ADAMTSL3: variants seen among roughly 807,000 people sequenced by gnomAD.
ADAMTSL3 encodes the protein ADAMTS-like protein 3.
In ADAMTSL3, 128 loss-of-function variants were observed where a neutral mutation model predicts 201.7. The ratio of observed to expected loss-of-function variants is 0.63; its 90% confidence interval spans 0.55 to 0.73. The LOEUF is 0.73. ADAMTSL3 is among the 30% of genes least tolerant of loss of function. The pLI is 0.00. For missense variants in ADAMTSL3, 1,990 were observed against 2,119.6 expected (o/e 0.94, Z 1.20); for synonymous variants, 738 against 748.4 (o/e 0.99, Z 0.23).
intron 2 of ADAMTSL3, among the ~76,000 whole-genome samples, chr15:83,690,788 A>G (rs562953553): frequency 1.3e-5 from 2 of 152,314 alleles, no homozygotes; most frequent in Admixed American, 6.5e-5. Context: ...TAAGGCTTAC[A>G]TTAAAACCTT....
chr15:83,743,228 C>G (rs1230373133), intron 3 of ADAMTSL3, among the ~76,000 whole-genome samples: 1 of 152,168 alleles, frequency 6.6e-6, no homozygotes, highest in Non-Finnish European at 1.5e-5. Context: ...TTTACTTTTT[C>G]TGATTTGAAT....
chr15:83,859,608 C>G (rs1470866552), intron 8 of ADAMTSL3, among the ~76,000 whole-genome samples: 1 of 152,234 alleles, frequency 6.6e-6, no homozygotes, highest in Non-Finnish European at 1.5e-5. Context: ...TTGCTCATTA[C>G]TTCTCAAGGC....
chr15:84,031,196 T>A, intron 27 of ADAMTSL3, 139 bp from the exon 28 acceptor site: 1 of 798,326 alleles, frequency 1.3e-6, no homozygotes, highest in South Asian at 1.6e-5. Context: ...CCTAATCCTC[T>A]TTAACTCCCC....
chr15:83,685,834 A>T (rs79366123), intron 2 of ADAMTSL3, among the ~76,000 whole-genome samples: 1 of 152,328 alleles, frequency 6.6e-6, no homozygotes, highest in Non-Finnish European at 1.5e-5. Flanking sequence ...GGCATGTCAT[A>T]GTCATTTAAT....
intron 5 of ADAMTSL3, among the ~76,000 whole-genome samples, chr15:83,814,661 TGAAA>T (rs1373844647): frequency 3.3e-5 from 5 of 152,230 alleles, no homozygotes; most frequent in Admixed American, 2.0e-4. Context: ...ATTTGTTATA[TGAAA>T]GAATCACAAA....
chr15:83,687,059 T>C (rs2061546792), intron 2 of ADAMTSL3, among the ~76,000 whole-genome samples: 1 of 143,234 alleles, frequency 7.0e-6, no homozygotes, highest in African/African-American at 2.8e-5. Flanking sequence ...AACAAACAGT[T>C]AGCTGGCATA....
intron 19 of ADAMTSL3, among the ~76,000 whole-genome samples, chr15:83,957,718 A>T (rs2066888013): frequency 1.3e-5 from 2 of 152,196 alleles, no homozygotes; most frequent in Admixed American, 6.5e-5. Context: ...GGAGAGAAAA[A>T]TGGCTTATTT....
chr15:83,870,651 A>G (rs575011130), intron 8 of ADAMTSL3, 151 bp from the exon 9 acceptor site: 7 of 628,518 alleles, frequency 1.1e-5, no homozygotes, highest in South Asian at 1.1e-4. Context: ...TGATATATCT[A>G]TTCCACCAAT....
rs2068542842 is a variant in ADAMTSL3, at chr15:84,038,054, C to T, written c.*248C>T. On this transcript the variant is annotated 3_prime_UTR_variant, in exon 30 of 30. Coordinates refer to ENST00000286744, the MANE Select transcript of ADAMTSL3 (RefSeq NM_207517.3). The stretch of plus-strand genomic sequence containing the variant: ...ATACTATAGCATGCATGCCACTGCA[C>T]TTGGGACCTCATCATGTCAGTTGAA... 1 of 468,258 alleles carries T rather than the reference C, an allele frequency of 2.1e-6. No homozygotes were observed. The highest frequency in any genetic ancestry group is 4.0e-5 in the South Asian group (1 of 25,112). 29.0% of individuals were successfully genotyped at this position (468,258 alleles called of 1,614,324 possible). A position where few individuals can be genotyped will look rare whatever the true frequency, so the allele number is the denominator to read the frequency against.
intron 20 of ADAMTSL3, among the ~76,000 whole-genome samples, chr15:83,970,876 T>C (rs2067183933): frequency 6.6e-6 from 1 of 152,230 alleles, no homozygotes; most frequent in Non-Finnish European, 1.5e-5. Flanking sequence ...GGCTTCCTCA[T>C]TTGGATTTAT....
rs756118116 is a variant in ADAMTSL3, at chr15:84,021,514, G to A, written c.4378G>A (p.Val1460Met). ...PQCVMANGQEVSEALCDHLQK... is the reference protein window; with the variant it reads ...PQCVMANGQEMSEALCDHLQK... ...GTGTGTGATGGCCAATGGGCAGGAA[G>A]TGAGTGAGGCCCTGTGTGATCACCT... Residue 1460 changes from valine to methionine, a missense_variant, in exon 26 of 30, where the codon GTG becomes ATG. Transcript: ENST00000286744. 1.9e-6 allele frequency: 3 copies of A among 1,614,198 alleles called. No homozygotes were observed. Among genetic ancestry groups the A allele is most frequent in the Non-Finnish European group, 1.7e-6 (2 of 1,180,040 alleles).
chr15:83,734,810 C>A (rs76899622), intron 3 of ADAMTSL3, among the ~76,000 whole-genome samples: 11 of 152,164 alleles, frequency 7.2e-5, no homozygotes, highest in Non-Finnish European at 1.5e-4. Flanking sequence ...ATGATTTTTG[C>A]CGATGGTGGA....
chr15:83,983,596 A>T (rs2067427849), intron 21 of ADAMTSL3, among the ~76,000 whole-genome samples: 1 of 152,224 alleles, frequency 6.6e-6, no homozygotes, highest in Non-Finnish European at 1.5e-5. Context: ...AAGTTTAAGC[A>T]TATATACACT....
intron 7 of ADAMTSL3, among the ~76,000 whole-genome samples, chr15:83,840,091 A>T (rs1030707327): frequency 2.0e-5 from 3 of 152,224 alleles, no homozygotes; most frequent in African/African-American, 7.2e-5. Flanking sequence ...ATATAAGAGG[A>T]AACCAATAAT....
At chr15:83,657,021 A>G (rs1008944872) in intron 2 of ADAMTSL3, among the ~76,000 whole-genome samples, 1 of 152,174 alleles carries the variant, frequency 6.6e-6, no homozygotes, top group African/African-American at 2.4e-5. Flanking sequence ...ACTATCCCAT[A>G]ATCATATTAA....
rs112182320 is a variant in ADAMTSL3 at position 83,885,260 on chromosome 15, A to G, written c.1072+48A>G. 0.047 allele frequency: 67,174 copies of G among 1,433,552 alleles called. 1,852 individuals carry two copies. Among genetic ancestry groups the G allele is most frequent in the Non-Finnish European group, 0.053 (54,758 of 1,024,354 alleles). The allele number at this position is 1,433,552 out of a possible 1,614,324, so 88.8% of individuals were successfully genotyped here. A position where few individuals can be genotyped will look rare whatever the true frequency, so the allele number is the denominator to read the frequency against. The stretch of plus-strand genomic sequence containing the variant: ...GAATATTTAGAGCTCAGAGTTAGAT[A>G]AATTAGACATTTACATTTTTGAAGC... On this transcript the variant is annotated intron_variant, in intron 10 of 29. Transcript: ENST00000286744.
At chr15:83,913,770 A>G (rs2065978726) in intron 16 of ADAMTSL3, among the ~76,000 whole-genome samples, 1 of 152,194 alleles carries the variant, frequency 6.6e-6, no homozygotes, top group Non-Finnish European at 1.5e-5. Flanking sequence ...TCCTCAGAAA[A>G]TATTTGGGTT....
intron 3 of ADAMTSL3, among the ~76,000 whole-genome samples, chr15:83,713,828 G>A (rs1217560263): frequency 6.6e-6 from 1 of 152,154 alleles, no homozygotes; most frequent in Admixed American, 6.5e-5. Flanking sequence ...TCTAGCCTAC[G>A]TCAAAAAAGT....
chr15:83,670,363 T>G (rs576748426), intron 2 of ADAMTSL3, among the ~76,000 whole-genome samples: 4 of 151,214 alleles, frequency 2.6e-5, no homozygotes, highest in Non-Finnish European at 5.9e-5. Flanking sequence ...TAATCCTAAC[T>G]CTAACCCTAG....
Sources: gnomAD v4.1 joint callset for allele counts (sites outside exome capture counted in the v4.1 genomes callset) on GRCh38, gnomAD v4.1.1 for gene constraint, MANE v1.5 for transcripts, NCBI Gene and HGNC (gene_info 2026-07-23, HGNC 2026-07-21) for gene names.